SORCS3: variants seen among roughly 807,000 people sequenced by gnomAD.
SORCS3 encodes the protein sortilin related VPS10 domain containing receptor 3, also known as VPS10 domain-containing receptor SorCS3.
A neutral mutation model predicts 146.3 loss-of-function variants in SORCS3; 57 were observed. That is an observed-to-expected ratio of 0.39 (90% confidence interval 0.31 to 0.49). The LOEUF is 0.49. Among genes scored for constraint, SORCS3 ranks in the 20% least tolerant of loss-of-function variants. The pLI is 0.92. For missense variants in SORCS3, 1,341 were observed against 1,575.5 expected, an observed-to-expected ratio of 0.85 and a Z score of 2.52; for synonymous variants, 653 against 618.5, an observed-to-expected ratio of 1.06 and a Z score of -0.83.
chr10:104,959,170 C>G (rs1257115535), intron 3 of SORCS3, among the ~76,000 whole-genome samples: 2 of 152,042 alleles, frequency 1.3e-5, no homozygotes, highest in Admixed American at 6.6e-5. Context: ...TTTAAATCAC[C>G]AAGTCTGGGA....
At chr10:104,688,306 G>A (rs2016071609) in intron 1 of SORCS3, among the ~76,000 whole-genome samples, 1 of 152,250 alleles carries the variant, frequency 6.6e-6, no homozygotes, top group Admixed American at 6.5e-5. Context: ...AAGCTCTGAA[G>A]GAGGGACGAT....
intron 16 of SORCS3, among the ~76,000 whole-genome samples, chr10:105,204,519 T>C (rs1272769661): frequency 2.0e-5 from 3 of 152,150 alleles, no homozygotes; most frequent in Admixed American, 6.6e-5. Context: ...AGAATCATAA[T>C]AGGTGTATGG....
chr10:104,832,666 C>T (rs1400547105), intron 1 of SORCS3, among the ~76,000 whole-genome samples: 1 of 152,108 alleles, frequency 6.6e-6, no homozygotes, highest in Non-Finnish European at 1.5e-5. Flanking sequence ...TGCAGTGAGC[C>T]AAGACAGGGC....
intron 4 of SORCS3, among the ~76,000 whole-genome samples, chr10:105,030,667 A>G (rs2055260399): frequency 6.6e-6 from 1 of 150,778 alleles, no homozygotes; most frequent in South Asian, 2.1e-4. Flanking sequence ...ATCTTGGCTC[A>G]CTGCAACCTC....
At chr10:104,816,105 A>G (rs1293896445) in intron 1 of SORCS3, among the ~76,000 whole-genome samples, 2 of 152,192 alleles carry the variant, frequency 1.3e-5, no homozygotes, top group African/African-American at 4.8e-5. Flanking sequence ...TATATTACCT[A>G]AAGTGGACTT....
intron 14 of SORCS3, among the ~76,000 whole-genome samples, chr10:105,198,381 C>A (rs990835754): frequency 1.3e-5 from 2 of 152,164 alleles, no homozygotes; most frequent in Non-Finnish European, 2.9e-5. Context: ...CCATCAAGGT[C>A]TCCTCCCACT....
At chr10:104,863,091 A>G (rs1267714342) in intron 2 of SORCS3, among the ~76,000 whole-genome samples, 1 of 152,194 alleles carries the variant, frequency 6.6e-6, no homozygotes. Flanking sequence ...CTGAGGCTTT[A>G]ATAAAATGGG....
chr10:104,994,176 A>G (rs1407705314), intron 4 of SORCS3, among the ~76,000 whole-genome samples: 2 of 152,214 alleles, frequency 1.3e-5, no homozygotes. Context: ...TTTTGTTACC[A>G]TCTTTGCTAT....
intron 3 of SORCS3, among the ~76,000 whole-genome samples, chr10:104,974,446 G>T (rs894890782): frequency 1.3e-5 from 2 of 152,158 alleles, no homozygotes; most frequent in African/African-American, 4.8e-5. Flanking sequence ...TTACCATTAT[G>T]TAATGGCCTT....
chr10:105,113,887 C>T (rs1323824110), intron 7 of SORCS3, among the ~76,000 whole-genome samples: 4 of 152,106 alleles, frequency 2.6e-5, no homozygotes, highest in Non-Finnish European at 5.9e-5. Flanking sequence ...GCCTCCGTTC[C>T]ACTTGGATAA....
At chr10:104,744,974 T>G (rs1035000176) in intron 1 of SORCS3, among the ~76,000 whole-genome samples, 1 of 152,222 alleles carries the variant, frequency 6.6e-6, no homozygotes, top group African/African-American at 2.4e-5. Flanking sequence ...CCAAATGTGT[T>G]TATCGTAATT....
intron 1 of SORCS3, among the ~76,000 whole-genome samples, chr10:104,777,662 C>T (rs912920206): frequency 1.3e-5 from 2 of 152,174 alleles, no homozygotes; most frequent in Non-Finnish European, 2.9e-5. Context: ...CTGCAATGCA[C>T]AGGACAACCC....
intron 1 of SORCS3, among the ~76,000 whole-genome samples, chr10:104,673,113 T>C (rs896393015): frequency 2.0e-5 from 3 of 152,194 alleles, no homozygotes; most frequent in African/African-American, 7.2e-5. Flanking sequence ...AATTTTTTTC[T>C]CATCTTTTGA....
intron 18 of SORCS3, 28 bp from the exon 19 acceptor site, chr10:105,216,908 T>C (rs1167580907): frequency 3.7e-6 from 6 of 1,612,792 alleles, no homozygotes; most frequent in Non-Finnish European, 5.1e-6. Flanking sequence ...ACCAAGTAAA[T>C]TGACCCGTCT....
chr10:104,691,944 G>T (rs2016118476), intron 1 of SORCS3, among the ~76,000 whole-genome samples: 2 of 152,008 alleles, frequency 1.3e-5, no homozygotes, highest in African/African-American at 4.8e-5. Flanking sequence ...TTGCTATGTT[G>T]TCCAAGCTTG....
rs774168138 is a variant in SORCS3, at chr10:105,247,267, A to G, written c.3041A>G (p.His1014Arg). The G allele has an allele frequency of 1.2e-6, 2 of 1,612,750 alleles. No homozygotes were observed. Among genetic ancestry groups the G allele is most frequent in the Non-Finnish European group, 1.7e-6 (2 of 1,178,868 alleles). Residue 1014 changes from histidine to arginine, a missense_variant, in exon 22 of 27, where the codon CAC becomes CGC. His to Arg is a conservative substitution (Grantham distance 29). Coordinates refer to ENST00000369701, the MANE Select transcript of SORCS3 (RefSeq NM_014978.3). ...TCATTCTCTCCTAATCTGGATTACCACAATCCTGACATTCCTGAGTGGAGA... is the reference window on the plus strand; with the variant it reads ...TCATTCTCTCCTAATCTGGATTACCGCAATCCTGACATTCCTGAGTGGAGA... ...LLSFSPNLDY[H>R]NPDIPEWRKD...
intron 4 of SORCS3, among the ~76,000 whole-genome samples, chr10:105,013,411 G>T (rs111768048): frequency 1.8e-3 from 270 of 152,002 alleles, no homozygotes; most frequent in Non-Finnish European, 2.9e-3. Flanking sequence ...TAAGAAAAAG[G>T]AAAAAGGTCA....
At chr10:104,677,034 T>C (rs897418437) in intron 1 of SORCS3, among the ~76,000 whole-genome samples, 2 of 152,238 alleles carry the variant, frequency 1.3e-5, no homozygotes, top group East Asian at 3.8e-4. Flanking sequence ...TTAATGGTCA[T>C]GTCTTTGGTG....
intron 7 of SORCS3, among the ~76,000 whole-genome samples, chr10:105,121,226 T>C (rs2055930128): frequency 1.3e-5 from 2 of 152,226 alleles, no homozygotes; most frequent in Admixed American, 6.5e-5. Context: ...ACAGAAAGAA[T>C]TGTTGTTATA....
Sources: gnomAD v4.1 joint callset for allele counts (sites outside exome capture counted in the v4.1 genomes callset) on GRCh38, gnomAD v4.1.1 for gene constraint, MANE v1.5 for transcripts, NCBI Gene and HGNC (gene_info 2026-07-23, HGNC 2026-07-21) for gene names.